HIVEP1: variants seen among roughly 807,000 people sequenced by gnomAD.
HIVEP1 encodes zinc finger protein 40.
A neutral mutation model predicts 180.0 loss-of-function variants in HIVEP1; 36 were observed. The ratio of observed to expected loss-of-function variants is 0.20; its 90% CI spans 0.15 to 0.26. The LOEUF (loss-of-function observed/expected upper bound fraction) is 0.26, where lower values mean the gene tolerates loss of function less well. HIVEP1 is among the 10% of genes least tolerant of loss of function. HIVEP1 has a pLI of 1.00. For synonymous variants in HIVEP1, 1,239 were observed against 1,239.0 expected, an observed-to-expected ratio of 1.00 and a Z score of 0.00; for missense variants, 3,143 against 3,268.7, an observed-to-expected ratio of 0.96 and a Z score of 0.94.
intron 7 of HIVEP1, among the ~76,000 whole-genome samples, chr6:12,141,409 G>A (rs1581770824): frequency 6.6e-6 from 1 of 152,156 alleles, no homozygotes; most frequent in East Asian, 1.9e-4. Context: ...ACCAGCTACT[G>A]CAAAAACATG....
chr6:12,045,719 G>A (rs749449556), intron 2 of HIVEP1, among the ~76,000 whole-genome samples: 2 of 152,200 alleles, frequency 1.3e-5, no homozygotes, highest in African/African-American at 4.8e-5. Context: ...GCACATAAAT[G>A]CCTCTGGTGA....
intron 3 of HIVEP1, among the ~76,000 whole-genome samples, chr6:12,095,085 C>T (rs1344627572): frequency 6.6e-6 from 1 of 151,916 alleles, no homozygotes; most frequent in Non-Finnish European, 1.5e-5. Flanking sequence ...TCTTTCATTT[C>T]TGCTGGGTGT....
chr6:12,159,193 T>C (rs1283590562), intron 7 of HIVEP1, among the ~76,000 whole-genome samples: 1 of 150,812 alleles, frequency 6.6e-6, no homozygotes, highest in Non-Finnish European at 1.5e-5. Context: ...AGGCTGTACG[T>C]GTGTGTGTGT....
rs9470732 is a variant in HIVEP1 at position 12,012,350 on chromosome 6, C to T, written c.-320C>T. 6.6e-3 allele frequency: 996 copies of T among 151,008 alleles called. 14 individuals carry two copies. Among genetic ancestry groups the T allele is most frequent in the African/African-American group, 0.023 (953 of 41,258 alleles). 9.4% of individuals were successfully genotyped at this position (151,008 alleles called of 1,614,324 possible). ...CTTCAGCGTGGCGGCTGCTGGGCGG[C>T]GGCAGGGTGGCGGACGGAGCGGGGG... On this transcript the variant is annotated 5_prime_UTR_variant, in exon 1 of 9. Transcript: ENST00000379388.
chr6:12,050,561 G>A (rs1267866437), intron 2 of HIVEP1, among the ~76,000 whole-genome samples: 1 of 151,680 alleles, frequency 6.6e-6, no homozygotes, highest in Non-Finnish European at 1.5e-5. Flanking sequence ...ACTCCAGCCT[G>A]GGCGACAGAG....
rs890741898 is a variant in HIVEP1 at position 12,155,346 on chromosome 6, A to C, written c.6488-6093A>C. 1.1e-4 allele frequency among the ~76,000 whole-genome samples: 16 copies of C among 151,978 alleles called. 1 individual carries two copies. The highest frequency in any genetic ancestry group is 3.6e-4 in the African/African-American group (15 of 41,348). On this transcript the variant is annotated intron_variant, in intron 7 of 8. Transcript: ENST00000379388. Reference sequence around the variant, plus strand: ...GTGTGCCATGGTGGCTTGCTGCACAAACCATCTCATCATCTCAGTATTAAG... The same window carrying C: ...GTGTGCCATGGTGGCTTGCTGCACACACCATCTCATCATCTCAGTATTAAG...
chr6:12,066,088 T>C (rs1019775528), intron 2 of HIVEP1, among the ~76,000 whole-genome samples: 3 of 152,178 alleles, frequency 2.0e-5, no homozygotes, highest in African/African-American at 7.2e-5. Context: ...GAAGGCAAGC[T>C]GTGTGCTGTG....
rs1290115242 is a variant in HIVEP1, at chr6:12,124,171, T to C, written c.4376T>C (p.Val1459Ala). ...TTCCAAAATACTGCTCTTCCCAGTG[T>C]GAATGCAGTGCCATATCAGGGGCCT... is the stretch of plus-strand genomic sequence containing the variant. ...TSFQNTALPSVNAVPYQGPQL... is the reference protein window; with the variant it reads ...TSFQNTALPSANAVPYQGPQL... The change falls in exon 4 of 9, where the codon GTG becomes GCG. Residue 1459 changes from valine to alanine, a missense_variant. Val to Ala is a moderately conservative substitution (Grantham distance 64). Around this residue, in one of 12 missense-constraint regions of HIVEP1, gnomAD observed 1,357 missense variants for 1,260.5 expected, o/e 1.08. Coordinates refer to ENST00000379388, the MANE Select transcript of HIVEP1 (RefSeq NM_002114.4). 3 of 1,613,964 alleles carry C rather than the reference T, an allele frequency of 1.9e-6. No individual in the cohort carries two copies. The highest frequency in any genetic ancestry group is 2.5e-6 in the Non-Finnish European group (3 of 1,179,948).
intron 2 of HIVEP1, among the ~76,000 whole-genome samples, chr6:12,031,605 C>T (rs1768943858): frequency 1.3e-5 from 2 of 152,198 alleles, no homozygotes; most frequent in African/African-American, 2.4e-5. Flanking sequence ...CAGCTTTCCC[C>T]TCTTGGTTGA....
intron 2 of HIVEP1, among the ~76,000 whole-genome samples, chr6:12,057,895 G>A (rs971137774): frequency 1.2e-4 from 18 of 152,140 alleles, no homozygotes; most frequent in Admixed American, 2.6e-4. Flanking sequence ...GGGGAAGAAC[G>A]TTTAGAGTAG....
chr6:12,041,420 T>TA (rs34364704), intron 2 of HIVEP1, among the ~76,000 whole-genome samples: 28,708 of 51,982 alleles, frequency 0.55, 8,125 homozygotes, highest in Non-Finnish European at 0.62. Context: ...AGACTCCGTC[T>TA]AAAAAAAAAA....
intron 3 of HIVEP1, among the ~76,000 whole-genome samples, chr6:12,118,678 G>A (rs1298447579): frequency 2.6e-5 from 4 of 152,044 alleles, no homozygotes; most frequent in Non-Finnish European, 5.9e-5. Context: ...TTGAGTTAAA[G>A]TGGTGATTTT....
chr6:12,127,317 A>G (rs1232656154), intron 4 of HIVEP1, among the ~76,000 whole-genome samples: 4 of 152,230 alleles, frequency 2.6e-5, no homozygotes, highest in African/African-American at 9.6e-5. Context: ...GTGGAGAACC[A>G]ATGATACTTT....
At chr6:12,160,902 C>G (rs890995122) in intron 7 of HIVEP1, among the ~76,000 whole-genome samples, 1 of 152,168 alleles carries the variant, frequency 6.6e-6, no homozygotes, top group Non-Finnish European at 1.5e-5. Context: ...AAAGGGCCCA[C>G]ATTCCTCAGA....
chr6:12,178,358 G>A, the HIVEP1 span, among the ~76,000 whole-genome samples: 2 of 152,208 alleles, frequency 1.3e-5, no homozygotes, highest in African/African-American at 4.8e-5. Flanking sequence ...AGAGACCGAG[G>A]TGGGAGGATT....
At chr6:12,056,703 G>A (rs879928120) in intron 2 of HIVEP1, among the ~76,000 whole-genome samples, 14 of 152,072 alleles carry the variant, frequency 9.2e-5, no homozygotes, top group South Asian at 2.1e-4. Context: ...TGGTAAAAAC[G>A]CGACTTTAAT....
intron 4 of HIVEP1, among the ~76,000 whole-genome samples, chr6:12,128,019 C>G (rs891550489): frequency 3.9e-5 from 6 of 152,124 alleles, no homozygotes; most frequent in African/African-American, 1.4e-4. Flanking sequence ...CTAGGCAAAA[C>G]ATGGCATTTT....
In HIVEP1 at chr6:12,120,561, C is replaced by G; in HGVS notation, c.766C>G (p.Gln256Glu). Residue 256 changes from glutamine to glutamate, a missense_variant, in exon 4 of 9, where the codon CAG becomes GAG. Gln to Glu is a conservative substitution (Grantham distance 29). Coordinates refer to ENST00000379388, the MANE Select transcript of HIVEP1 (RefSeq NM_002114.4). ...QTSQELVAES[Q>E]SSCTSYTVHM... is the part of the protein sequence containing the mutation. ...TTCACAGGAATTGGTTGCTGAATCA[C>G]AGTCTTCTTGTACCTCATACACAGT... The G allele has an allele frequency of 6.2e-7, 1 of 1,614,228 alleles. No individual in the cohort carries two copies. The highest frequency in any genetic ancestry group is 8.5e-7 in the Non-Finnish European group (1 of 1,180,038).
chr6:12,015,492 GT>G, intron 1 of HIVEP1, 33 bp from the exon 2 acceptor site: 1 of 711,788 alleles, frequency 1.4e-6, no homozygotes, highest in South Asian at 1.7e-5. Context: ...TCTGAAGGTA[GT>G]AAAATGTGCT....
Sources: gnomAD v4.1 joint callset for allele counts (sites outside exome capture counted in the v4.1 genomes callset) on GRCh38, gnomAD v4.1.1 for gene constraint, gnomAD v4.1.1 regional missense constraint, MANE v1.5 for transcripts, NCBI Gene and HGNC (gene_info 2026-07-23, HGNC 2026-07-21) for gene names.